The following TENT2 variants were observed in gnomAD, a reference collection of about 807,000 sequenced individuals.
TENT2 encodes the protein poly(A) RNA polymerase GLD2.
In TENT2, 44 loss-of-function variants were observed where a neutral mutation model predicts 72.2. That is an observed-to-expected ratio of 0.61 (90% CI 0.48 to 0.78). The LOEUF (loss-of-function observed/expected upper bound fraction) is 0.78, where lower values mean the gene tolerates loss of function less well. Among genes scored for constraint, TENT2 ranks in the 30% least tolerant of loss-of-function variants. The pLI is 0.00. For missense variants in TENT2, 541 were observed against 569.6 expected, an observed-to-expected ratio of 0.95 and a Z score of 0.51; for synonymous variants, 212 against 192.5, an observed-to-expected ratio of 1.10 and a Z score of -0.84.
intron 4 of TENT2, among the ~76,000 whole-genome samples, chr5:79,630,874 C>T (rs1774877171): frequency 6.7e-6 from 1 of 148,750 alleles, no homozygotes; most frequent in East Asian, 2.0e-4. Context: ...ATTTTCACTG[C>T]ACTATGGAGA....
intron 11 of TENT2, among the ~76,000 whole-genome samples, chr5:79,659,568 A>AGG (rs1561547549): frequency 9.3e-6 from 1 of 107,930 alleles, no homozygotes. Flanking sequence ...ATATATATAT[A>AGG]TATATATATA....
intron 4 of TENT2, among the ~76,000 whole-genome samples, chr5:79,624,011 A>G (rs1220501938): frequency 6.6e-6 from 1 of 152,216 alleles, no homozygotes; most frequent in African/African-American, 2.4e-5. Context: ...ATTCTTGGAA[A>G]ATGACATTGT....
chr5:79,614,577 A>T (rs1580125465), intron 1 of TENT2, among the ~76,000 whole-genome samples: 1 of 152,228 alleles, frequency 6.6e-6, no homozygotes, highest in Non-Finnish European at 1.5e-5. Flanking sequence ...AAAATTGGAT[A>T]TTGCCAATAT....
intron 12 of TENT2, among the ~76,000 whole-genome samples, chr5:79,672,073 A>G (rs945536299): frequency 1.3e-5 from 2 of 151,516 alleles, no homozygotes; most frequent in African/African-American, 4.9e-5. Context: ...ACTGCACTCC[A>G]GCCTGGACAA....
At chr5:79,675,219 CTTGT>C (rs2150805639) in intron 12 of TENT2, among the ~76,000 whole-genome samples, 1 of 152,140 alleles carries the variant, frequency 6.6e-6, no homozygotes, top group East Asian at 1.9e-4. Flanking sequence ...TGGAAATAAA[CTTGT>C]TTGAGTTAAG....
At chr5:79,669,971 G>A (rs1811634068) in intron 12 of TENT2, among the ~76,000 whole-genome samples, 6 of 151,996 alleles carry the variant, frequency 3.9e-5, no homozygotes, top group Non-Finnish European at 1.5e-5. Context: ...GCTCATGCCT[G>A]TAATCCCAAC....
intron 6 of TENT2, among the ~76,000 whole-genome samples, chr5:79,642,285 A>G (rs1785059381): frequency 6.6e-6 from 1 of 152,088 alleles, no homozygotes. Flanking sequence ...TTGAAATCAT[A>G]TAAAGAGAAA....
At chr5:79,658,652 A>G (rs761943518) in intron 11 of TENT2, among the ~76,000 whole-genome samples, 2 of 152,220 alleles carry the variant, frequency 1.3e-5, no homozygotes, top group South Asian at 2.1e-4. Context: ...AAAGGAGCTA[A>G]TAAACTTATC....
intron 4 of TENT2, among the ~76,000 whole-genome samples, chr5:79,625,113 CTCA>C (rs1768414217): frequency 6.6e-6 from 1 of 152,150 alleles, no homozygotes; most frequent in Non-Finnish European, 1.5e-5. Context: ...GAAATGGTAT[CTCA>C]TCATGTTTTG....
At chr5:79,667,185 A>T (rs1169958114) in intron 11 of TENT2, among the ~76,000 whole-genome samples, 1 of 152,170 alleles carries the variant, frequency 6.6e-6, no homozygotes, top group Non-Finnish European at 1.5e-5. Flanking sequence ...TCATTTTTAG[A>T]CTTCAGATAA....
At chr5:79,680,892 T>C (rs1400500880) in intron 13 of TENT2, among the ~76,000 whole-genome samples, 2 of 152,138 alleles carry the variant, frequency 1.3e-5, no homozygotes, top group Non-Finnish European at 2.9e-5. Flanking sequence ...CCTTTAGTTA[T>C]CCTTGTCTTC....
intron 11 of TENT2, chr5:79,668,605 A>T: frequency 7.9e-6 from 2 of 253,342 alleles, no homozygotes; most frequent in East Asian, 1.7e-4. Context: ...TTGTATAGTA[A>T]GGTTTTATTT....
At chr5:79,652,437 G>A (rs1794893536) in intron 10 of TENT2, among the ~76,000 whole-genome samples, 1 of 151,988 alleles carries the variant, frequency 6.6e-6, no homozygotes, top group Non-Finnish European at 1.5e-5. Flanking sequence ...TGCCAAAATT[G>A]TATCAGGGTT....
intron 11 of TENT2, among the ~76,000 whole-genome samples, chr5:79,663,661 A>G (rs1057240008): frequency 9.9e-5 from 15 of 152,222 alleles, no homozygotes; most frequent in African/African-American, 3.6e-4. Context: ...CTCCAAAACA[A>G]TTACAGTAGT....
intron 6 of TENT2, among the ~76,000 whole-genome samples, chr5:79,642,596 T>C (rs1785336482): frequency 6.6e-6 from 1 of 152,116 alleles, no homozygotes. Context: ...CTTTGAAAAT[T>C]GTGCTTTAAG....
At chr5:79,642,312 A>C (rs1785095268) in intron 6 of TENT2, among the ~76,000 whole-genome samples, 1 of 152,052 alleles carries the variant, frequency 6.6e-6, no homozygotes, top group African/African-American at 2.4e-5. Flanking sequence ...AAAAACTCAC[A>C]TTATAAACAG....
intron 4 of TENT2, among the ~76,000 whole-genome samples, chr5:79,634,543 T>C (rs1250565913): frequency 6.6e-6 from 1 of 152,090 alleles, no homozygotes. Context: ...TTCATCATCT[T>C]GGTCAGGCTG....
At chr5:79,627,776 C>T (rs900302497) in intron 4 of TENT2, among the ~76,000 whole-genome samples, 3 of 152,192 alleles carry the variant, frequency 2.0e-5, no homozygotes, top group African/African-American at 4.8e-5. Context: ...TGATCCACCA[C>T]GCCTGGCTGG....
intron 3 of TENT2, among the ~76,000 whole-genome samples, chr5:79,621,715 C>T (rs1217637978): frequency 6.7e-6 from 1 of 150,296 alleles, no homozygotes; most frequent in Non-Finnish European, 1.5e-5. Flanking sequence ...CCAAGATCCC[C>T]CCACTGCACT....
Sources: gnomAD v4.1 joint callset for allele counts (sites outside exome capture counted in the v4.1 genomes callset) on GRCh38, gnomAD v4.1.1 for gene constraint, MANE v1.5 for transcripts, NCBI Gene and HGNC (gene_info 2026-07-23, HGNC 2026-07-21) for gene names.